The following BMP3 variants were observed in gnomAD, a reference collection of about 807,000 sequenced individuals.
BMP3 encodes bone morphogenetic protein 3 (osteogenic).
Under a neutral mutation model 38.1 loss-of-function variants are expected in BMP3, and 23 were observed. The observed-to-expected ratio is 0.60, with a 90% CI of 0.43 to 0.86. BMP3 has a LOEUF of 0.86. Ranked by LOEUF, BMP3 falls within the 40% of genes least tolerant of loss-of-function variation. The probability of loss-of-function intolerance (pLI) is 0.00; values close to 1 mark genes in which losing one functional copy is unlikely to be tolerated. For missense variants in BMP3, 628 were observed against 579.6 expected (o/e 1.08, Z -0.86); for synonymous variants, 258 against 225.7 (o/e 1.14, Z -1.28).
intron 1 of BMP3, among the ~76,000 whole-genome samples, chr4:81,038,603 T>C (rs1739982586): frequency 6.6e-6 from 1 of 152,224 alleles, no homozygotes; most frequent in Non-Finnish European, 1.5e-5. Flanking sequence ...TCATATACAA[T>C]GATTATAATA....
intron 2 of BMP3, among the ~76,000 whole-genome samples, chr4:81,049,831 G>A (rs746815575): frequency 6.6e-6 from 1 of 152,198 alleles, no homozygotes; most frequent in Non-Finnish European, 1.5e-5. Context: ...CCACTGGTCA[G>A]ATCAGTACAA....
Position 81,053,419 on chromosome 4 carries a change from G to A in BMP3, c.1302G>A (p.Glu434=), listed in dbSNP as rs377131270. Residue 434 remains glutamate (E), a synonymous_variant, in exon 3 of 3, where the codon GAG becomes GAA. Transcript: ENST00000282701. ...RAVGVVPGIP[E]PCCVPEKMSS... ...TGGGGGTCGTTCCTGGGATTCCTGA[G>A]CCTTGCTGTGTACCAGAAAAGATGT... 77 of 1,611,888 alleles carry A rather than the reference G, an allele frequency of 4.8e-5. No individual in the cohort carries two copies. Among genetic ancestry groups the A allele is most frequent in the Non-Finnish European group, 6.4e-5 (75 of 1,179,022 alleles).
chr4:81,031,452 C>A lies in BMP3; in HGVS notation c.168C>A (p.Val56=), dbSNP rs753811080. ...PDSELQPQDK[V]SEHMLRLYDR... ...CCGAGCTGCAGCCGCAAGACAAGGT[C>A]TCTGAACACATGCTGCGGCTCTATG... The change falls in exon 1 of 3, where the codon GTC becomes GTA. Residue 56 remains valine, a synonymous_variant. Coordinates refer to ENST00000282701, the MANE Select transcript of BMP3 (RefSeq NM_001201.5). The A allele has an allele frequency of 3.1e-6, 5 of 1,613,552 alleles. No individual in the cohort carries two copies. The East Asian group carries it at 1.1e-4, about 36-fold the overall frequency.
chr4:81,031,259 C>G lies in BMP3; in HGVS notation c.-26C>G. The G allele has an allele frequency of 6.4e-7, 1 of 1,554,856 alleles. No homozygotes were observed. Among genetic ancestry groups the G allele is most frequent in the Non-Finnish European group, 8.7e-7 (1 of 1,150,558 alleles). On this transcript the variant is annotated 5_prime_UTR_variant, in exon 1 of 3. Transcript: ENST00000282701. ...GAGTGTCCCGCAGCGACGCCGGGAG[C>G]CGACGCGCCGCGCGGGTACCTAGCC...
At chr4:81,044,139 A>C (rs1208834194) in intron 1 of BMP3, among the ~76,000 whole-genome samples, 1 of 152,162 alleles carries the variant, frequency 6.6e-6, no homozygotes, top group Non-Finnish European at 1.5e-5. Context: ...AATCAAGGTG[A>C]GTGTAATTCC....
chr4:81,048,162 T>C (rs1369380626), intron 2 of BMP3, among the ~76,000 whole-genome samples: 1 of 152,196 alleles, frequency 6.6e-6, no homozygotes, highest in Non-Finnish European at 1.5e-5. Flanking sequence ...CCTTATCTTG[T>C]CTAAATATTC....
intron 1 of BMP3, among the ~76,000 whole-genome samples, chr4:81,032,211 A>AAAAAAC (rs1739796753): frequency 6.8e-6 from 1 of 146,572 alleles, no homozygotes; most frequent in Admixed American, 6.7e-5. Flanking sequence ...AAAAAAAAAA[A>AAAAAAC]AAAAAAAAAC....
chr4:81,050,075 TC>T (rs1177235375), intron 2 of BMP3, among the ~76,000 whole-genome samples: 1 of 152,208 alleles, frequency 6.6e-6, no homozygotes, highest in African/African-American at 2.4e-5. Context: ...CTTTGCCCTT[TC>T]ACTGATTCCA....
chr4:81,050,915 G>A lies in BMP3; in HGVS notation c.1228-2430G>A, dbSNP rs138487662. Among the ~76,000 whole-genome samples the A allele has an allele frequency of 9.3e-4, 142 of 152,008 alleles. No individual in the cohort carries two copies. The East Asian group carries it at 0.02, about 21-fold the overall frequency. Reference sequence around the variant, plus strand: ...GAACTCAGAAACAAACAGAAATTCCGGACTGGCAATATGCTTTACACCAGC... The same window carrying A: ...GAACTCAGAAACAAACAGAAATTCCAGACTGGCAATATGCTTTACACCAGC... On this transcript the variant is annotated intron_variant, in intron 2 of 2. Coordinates refer to ENST00000282701, the MANE Select transcript of BMP3 (RefSeq NM_001201.5).
At chr4:81,048,009 G>A (rs1313555853) in intron 2 of BMP3, among the ~76,000 whole-genome samples, 1 of 150,412 alleles carries the variant, frequency 6.6e-6, no homozygotes, top group African/African-American at 2.4e-5. Flanking sequence ...GCCTTTTCAG[G>A]GCCACAAACT....
chr4:81,053,399 G>A lies in BMP3; in HGVS notation c.1282G>A (p.Val428Ile), dbSNP rs148639298. ...TIQSIVRAVGVVPGIPEPCCV... is the reference protein window; with the variant it reads ...TIQSIVRAVGIVPGIPEPCCV... ...CCAGAGTATAGTGAGAGCTGTGGGG[G>A]TCGTTCCTGGGATTCCTGAGCCTTG... The change falls in exon 3 of 3, where the codon GTC (valine) becomes ATC (isoleucine). Residue 428 changes from valine to isoleucine, a missense_variant. Physicochemically the swap from Val to Ile is conservative, Grantham distance 29. Coordinates refer to ENST00000282701, the MANE Select transcript of BMP3 (RefSeq NM_001201.5). The A allele has an allele frequency of 2.5e-6, 4 of 1,610,530 alleles. No individual in the cohort carries two copies. The highest frequency in any genetic ancestry group is 1.3e-5 in the African/African-American group (1 of 74,660).
At chr4:81,048,517 G>A (rs1373955114) in intron 2 of BMP3, among the ~76,000 whole-genome samples, 2 of 152,148 alleles carry the variant, frequency 1.3e-5, no homozygotes, top group Non-Finnish European at 2.9e-5. Context: ...GTTTGCTTTT[G>A]AACCTCTAGC....
intron 2 of BMP3, among the ~76,000 whole-genome samples, chr4:81,050,632 T>G (rs953777845): frequency 6.6e-6 from 1 of 152,100 alleles, no homozygotes; most frequent in Non-Finnish European, 1.5e-5. Flanking sequence ...AAATTCACAT[T>G]TAATGCGTTC....
At chr4:81,047,272 T>C (rs1740277007) in intron 2 of BMP3, among the ~76,000 whole-genome samples, 1 of 152,202 alleles carries the variant, frequency 6.6e-6, no homozygotes, top group South Asian at 2.1e-4. Flanking sequence ...TTGCCAAGAC[T>C]AATTTCAACC....
chr4:81,050,102 G>C (rs1052746778), intron 2 of BMP3, among the ~76,000 whole-genome samples: 2 of 152,130 alleles, frequency 1.3e-5, no homozygotes, highest in African/African-American at 4.8e-5. Context: ...ATAGTTTCTG[G>C]GCTATCACAC....
chr4:81,050,615 A>G (rs1740378478), intron 2 of BMP3, among the ~76,000 whole-genome samples: 1 of 152,148 alleles, frequency 6.6e-6, no homozygotes, highest in South Asian at 2.1e-4. Flanking sequence ...TATTCCATAC[A>G]AAGAAGAAAT....
At chr4:81,052,595 A>C (rs576376551) in intron 2 of BMP3, among the ~76,000 whole-genome samples, 47 of 152,222 alleles carry the variant, frequency 3.1e-4, no homozygotes, top group Non-Finnish European at 5.3e-4. Flanking sequence ...TTCCCAGAGG[A>C]CGTGGCCCAC....
chr4:81,044,226 G>C (rs974145341), intron 1 of BMP3, among the ~76,000 whole-genome samples: 2 of 152,136 alleles, frequency 1.3e-5, no homozygotes, highest in Non-Finnish European at 2.9e-5. Flanking sequence ...AAATTTGTAG[G>C]AATAAGTCTT....
intron 1 of BMP3, among the ~76,000 whole-genome samples, chr4:81,042,398 CCA>C (rs975032053): frequency 1.6e-4 from 24 of 152,136 alleles, no homozygotes; most frequent in Admixed American, 9.8e-4. Context: ...ACTACTAGAC[CCA>C]CTTTATAGAT....
Sources: gnomAD v4.1 joint callset for allele counts (sites outside exome capture counted in the v4.1 genomes callset) on GRCh38, gnomAD v4.1.1 for gene constraint, MANE v1.5 for transcripts, NCBI Gene and HGNC (gene_info 2026-07-23, HGNC 2026-07-21) for gene names.